Variants in CBLN2 observed in about 807,000 individuals in gnomAD.
The protein encoded by CBLN2 is cerebellin-2.
A neutral mutation model predicts 15.0 loss-of-function variants in CBLN2; 7 were observed. That is an observed-to-expected ratio of 0.47 (90% CI 0.27 to 0.88). The LOEUF is 0.88. Among genes scored for constraint, CBLN2 ranks in the 40% least tolerant of loss-of-function variants. The pLI, the probability that CBLN2 is intolerant of heterozygous loss-of-function variation, is 0.14. For synonymous variants in CBLN2, 149 were observed against 135.2 expected (o/e 1.10, Z -0.71); for missense variants, 242 against 304.5 (o/e 0.79, Z 1.53).
intron 1 of CBLN2, among the ~76,000 whole-genome samples, chr18:72,635,617 T>C (rs1170083304): frequency 2.0e-5 from 3 of 152,172 alleles, no homozygotes; most frequent in Non-Finnish European, 4.4e-5. Context: ...AAACATCATT[T>C]TTTAGGAAAA....
chr18:72,543,036 CCTCT>C lies in CBLN2; in HGVS notation c.-167+446_-167+449del, dbSNP rs1388609040. On this transcript the variant is annotated intron_variant, in intron 2 of 4. Transcript: ENST00000269503. This position sits in a 1 kb window ranked among gnomAD's most constrained non-coding sequence, Gnocchi z 6.8. ...CCCCTTGGGTGAAACCCCTGGGATTCCTCTCTTAGGCGAAGGACCGATTCCAACG... is the reference window on the plus strand; with the variant it reads ...CCCCTTGGGTGAAACCCCTGGGATTCCTTAGGCGAAGGACCGATTCCAACG... The C allele has an allele frequency of 6.4e-6, 1 of 155,974 alleles. No individual in the cohort carries two copies. Among genetic ancestry groups the C allele is most frequent in the Non-Finnish European group, 1.4e-5 (1 of 70,848 alleles). 9.7% of individuals were successfully genotyped at this position (155,974 alleles called of 1,614,324 possible). A position where few individuals can be genotyped will look rare whatever the true frequency, so the allele number is the denominator to read the frequency against.
At chr18:72,567,453 A>G (rs2144901537) in intron 1 of CBLN2, among the ~76,000 whole-genome samples, 2 of 152,240 alleles carry the variant, frequency 1.3e-5, no homozygotes, top group Admixed American at 1.3e-4. Context: ...TTTCTGTTAT[A>G]TGTCATCCGG....
chr18:72,588,305 T>C (rs1297630167), intron 1 of CBLN2, among the ~76,000 whole-genome samples: 2 of 152,240 alleles, frequency 1.3e-5, no homozygotes, highest in African/African-American at 2.4e-5. Flanking sequence ...ATAAGGTTTA[T>C]TCACCCACTG....
At chr18:72,577,857 T>C (rs1419613674) in intron 1 of CBLN2, among the ~76,000 whole-genome samples, 1 of 152,208 alleles carries the variant, frequency 6.6e-6, no homozygotes, top group African/African-American at 2.4e-5. Context: ...AATTATACCA[T>C]TGCCATCAGC....
chr18:72,562,179 G>A (rs548951312), intron 1 of CBLN2, among the ~76,000 whole-genome samples: 1 of 152,278 alleles, frequency 6.6e-6, no homozygotes, highest in South Asian at 2.1e-4. Context: ...GAGCGTATAT[G>A]TGTGATAGGT....
intron 1 of CBLN2, among the ~76,000 whole-genome samples, chr18:72,593,313 C>A (rs1031997838): frequency 4.6e-5 from 7 of 152,002 alleles, no homozygotes; most frequent in Non-Finnish European, 1.0e-4. Flanking sequence ...GCAGATTTTT[C>A]ATTGTCGGCA....
chr18:72,570,479 C>A (rs1393318422), intron 1 of CBLN2, among the ~76,000 whole-genome samples: 5 of 151,228 alleles, frequency 3.3e-5, no homozygotes, highest in African/African-American at 1.2e-4. Flanking sequence ...AACTCCTGGG[C>A]TCAAGCAGCC....
At chr18:72,634,398 T>G (rs1350264136) in intron 1 of CBLN2, among the ~76,000 whole-genome samples, 1 of 152,114 alleles carries the variant, frequency 6.6e-6, no homozygotes, top group Non-Finnish European at 1.5e-5. Context: ...AAATATTGTT[T>G]ATTCCTTATA....
intron 1 of CBLN2, among the ~76,000 whole-genome samples, chr18:72,584,298 A>T (rs1463039610): frequency 6.6e-6 from 1 of 151,872 alleles, no homozygotes. Context: ...CTTCAGAAAA[A>T]AAAATTACCA....
At chr18:72,568,682 G>T (rs1317333650) in intron 1 of CBLN2, among the ~76,000 whole-genome samples, 4 of 152,012 alleles carry the variant, frequency 2.6e-5, no homozygotes, top group African/African-American at 9.7e-5. Flanking sequence ...TGCTATATTT[G>T]CACAGTGGAA....
intron 1 of CBLN2, among the ~76,000 whole-genome samples, chr18:72,633,001 T>C (rs1455821710): frequency 2.0e-5 from 3 of 152,208 alleles, no homozygotes; most frequent in Admixed American, 1.3e-4. Flanking sequence ...ATTCACTTAG[T>C]GTAACTATAG....
intron 1 of CBLN2, among the ~76,000 whole-genome samples, chr18:72,586,547 C>T (rs539094822): frequency 2.0e-5 from 3 of 152,230 alleles, no homozygotes; most frequent in South Asian, 4.2e-4. Flanking sequence ...AAAGTCATGC[C>T]CCATGCTTCA....
At chr18:72,598,242 G>A (rs1334501549) in intron 1 of CBLN2, among the ~76,000 whole-genome samples, 3 of 152,092 alleles carry the variant, frequency 2.0e-5, no homozygotes, top group Non-Finnish European at 2.9e-5. Context: ...AGGACCCAAG[G>A]GCTCTTTAGT....
At chr18:72,600,028 C>T (rs1008669891) in intron 1 of CBLN2, among the ~76,000 whole-genome samples, 3 of 152,210 alleles carry the variant, frequency 2.0e-5, no homozygotes, top group Admixed American at 2.0e-4. Context: ...CAAGCACCGC[C>T]TGTGGTTACA....
At chr18:72,606,908 A>G (rs1048578948) in intron 1 of CBLN2, among the ~76,000 whole-genome samples, 1 of 152,246 alleles carries the variant, frequency 6.6e-6, no homozygotes, top group Non-Finnish European at 1.5e-5. Context: ...TTTCATGCAC[A>G]CAGTATGTCT....
intron 1 of CBLN2, chr18:72,625,141 A>G (rs904730706): frequency 6.6e-6 from 1 of 152,152 alleles, no homozygotes; most frequent in African/African-American, 2.4e-5. Flanking sequence ...TTTCTAACTC[A>G]TATAGAGAGC....
intron 1 of CBLN2, among the ~76,000 whole-genome samples, chr18:72,559,860 A>T (rs1239234145): frequency 6.6e-6 from 1 of 152,260 alleles, no homozygotes; most frequent in Non-Finnish European, 1.5e-5. Flanking sequence ...TGCAATGAAA[A>T]GTAGCAAAGA....
At chr18:72,577,618 C>T (rs886065224) in intron 1 of CBLN2, among the ~76,000 whole-genome samples, 1 of 152,222 alleles carries the variant, frequency 6.6e-6, no homozygotes, top group African/African-American at 2.4e-5. Context: ...TTCTCAGATA[C>T]AATTAGTCTC....
At chr18:72,580,352 C>G (rs1235253166) in intron 1 of CBLN2, among the ~76,000 whole-genome samples, 1 of 152,230 alleles carries the variant, frequency 6.6e-6, no homozygotes, top group African/African-American at 2.4e-5. Flanking sequence ...TTGACTTATT[C>G]CATTGCAAAC....
Sources: gnomAD v4.1 joint callset for allele counts (sites outside exome capture counted in the v4.1 genomes callset) on GRCh38, gnomAD v4.1.1 for gene constraint, Gnocchi (gnomAD v3.1) non-coding constraint, MANE v1.5 for transcripts, NCBI Gene and HGNC (gene_info 2026-07-23, HGNC 2026-07-21) for gene names.